The following NOP9 variants were observed in gnomAD, a reference collection of about 807,000 sequenced individuals.
The protein encoded by NOP9 is nucleolar protein 9.
Under a neutral mutation model 63.0 loss-of-function variants are expected in NOP9, and 50 were observed. The observed-to-expected ratio is 0.79, with a 90% CI of 0.63 to 1.00. The LOEUF is 1.00. NOP9 is among the 50% of genes least tolerant of loss of function. The pLI is 0.00. For synonymous variants in NOP9, 343 were observed against 332.8 expected (o/e 1.03, Z -0.33); for missense variants, 758 against 803.0 (o/e 0.94, Z 0.68).
the NOP9 span, chr14:24,293,125 A>G: frequency 3.4e-5 from 8 of 234,532 alleles, no homozygotes; most frequent in African/African-American, 1.4e-4. Flanking sequence ...GACAATAAGT[A>G]CAGACAAAAT....
chr14:24,285,242 G>C, the NOP9 span, among the ~76,000 whole-genome samples: 1 of 152,210 alleles, frequency 6.6e-6, no homozygotes, highest in Non-Finnish European at 1.5e-5. Flanking sequence ...GGCTGGGCCA[G>C]GCCGCTCAGG....
chr14:24,285,559 G>C, the NOP9 span, among the ~76,000 whole-genome samples: 5 of 152,328 alleles, frequency 3.3e-5, no homozygotes, highest in African/African-American at 1.2e-4. Flanking sequence ...GGCTGTCTCT[G>C]TGGCCACCCA....
intron 2 of NOP9, 27 bp downstream of exon 2, chr14:24,300,884 C>T (rs1449119772): frequency 6.4e-7 from 1 of 1,555,422 alleles, no homozygotes; most frequent in South Asian, 1.2e-5. Context: ...GAAAGTGGAC[C>T]TAGGGGGAAG....
the NOP9 span, among the ~76,000 whole-genome samples, chr14:24,271,973 TCTC>T: frequency 1.3e-5 from 2 of 152,144 alleles, no homozygotes; most frequent in Non-Finnish European, 2.9e-5. Context: ...CATTCTGGCT[TCTC>T]CTCCTGCACC....
Position 24,301,705 on chromosome 14 carries a change from T to C in NOP9, c.791T>C (p.Phe264Ser), listed in dbSNP as rs570256840. ...CGCCTTCAGGACCTGAGCTCCTCCT[T>C]TCTGAAGGACATTGCAGGTAAGGAG... ...LNRLQDLSSS[F>S]LKDIAVFITD... Residue 264 changes from phenylalanine to serine, a missense_variant, in exon 3 of 10, where the codon TTT becomes TCT. By Grantham distance (155) the Phe-to-Ser change is radical. Coordinates refer to ENST00000267425, the MANE Select transcript of NOP9 (RefSeq NM_174913.3). The C allele has an allele frequency of 6.2e-7, 1 of 1,614,170 alleles. No individual in the cohort carries two copies. The highest frequency in any genetic ancestry group is 8.5e-7 in the Non-Finnish European group (1 of 1,180,024).
rs987227619 is a variant in NOP9, at chr14:24,308,162, G to A, written c.*3067G>A. The A allele has an allele frequency of 1.4e-5, 6 of 430,288 alleles. No individual in the cohort carries two copies. The highest frequency in any genetic ancestry group is 1.2e-4 in the African/African-American group (6 of 50,190). The allele number at this position is 430,288 out of a possible 1,614,324, so 26.7% of individuals were successfully genotyped here. On this transcript the variant is annotated 3_prime_UTR_variant, in exon 10 of 10. Transcript: ENST00000267425. ...AGGGTAGATGGGAACCATGTAAAAG[G>A]ATGAAATGTGACTTCTGGTGTTTTT...
Position 24,300,120 on chromosome 14 carries a change from C to T in NOP9, c.166C>T (p.His56Tyr), listed in dbSNP as rs779701180. The change falls in exon 1 of 10, where the codon CAC (histidine) becomes TAC (tyrosine). Residue 56 changes from histidine to tyrosine, a missense_variant. By Grantham distance (83) the His-to-Tyr change is moderately conservative. Coordinates refer to ENST00000267425, the MANE Select transcript of NOP9 (RefSeq NM_174913.3). ...GGAGCCGGCTCCAGATTCGCACCCG[C>T]ACCTGAGCCCGGAAGCTCTGGGATA... Reference protein sequence around the residue: ...RSEPAPDSHPHLSPEALGYFR... With the variant: ...RSEPAPDSHPYLSPEALGYFR... 6.2e-7 allele frequency: 1 copy of T among 1,613,660 alleles called. No individual in the cohort carries two copies.
chr14:24,304,293 T>A lies in NOP9; in HGVS notation c.1647+16T>A. ...GAACCTAAAGGTTAGATTTCTGGCT[T>A]TTGCCTTGATTCCCCACCATCATCC... is the stretch of plus-strand genomic sequence containing the variant. On this transcript the variant is annotated intron_variant, in intron 8 of 9. Coordinates refer to ENST00000267425, the MANE Select transcript of NOP9 (RefSeq NM_174913.3). 6.3e-7 allele frequency: 1 copy of A among 1,596,830 alleles called. No individual in the cohort carries two copies. Among genetic ancestry groups the A allele is most frequent in the Non-Finnish European group, 8.6e-7 (1 of 1,165,384 alleles).
At chr14:24,298,828 C>T (rs573009254), upstream of NOP9, 230 of 1,142,198 alleles carry the variant, frequency 2.0e-4, 2 homozygotes, top group African/African-American at 3.0e-3. Flanking sequence ...TTAATTTCCA[C>T]TTTGAATAAA....
At chr14:24,302,139 G>T in intron 4 of NOP9, 33 bp downstream of exon 4, 1 of 1,605,996 alleles carries the variant, frequency 6.2e-7, no homozygotes, top group Non-Finnish European at 8.5e-7. Flanking sequence ...GACCCAAGTT[G>T]GCGGGGCTGT....
the NOP9 span, among the ~76,000 whole-genome samples, chr14:24,283,015 T>C: frequency 6.6e-6 from 1 of 152,182 alleles, no homozygotes; most frequent in African/African-American, 2.4e-5. Flanking sequence ...TGCAGAACTC[T>C]CAGCACATGA....
At position 24,300,053 on chromosome 14, in the gene NOP9, A is replaced by G; in HGVS notation, c.99A>G (p.Pro33=). Residue 33 remains proline, a synonymous_variant, in exon 1 of 10, where the codon CCA becomes CCG. Transcript: ENST00000267425. ...RGAKGSGRPL[P]GRKRQPWPPP... ...CCAAGGGGTCGGGGCGCCCCTTACCAGGCCGTAAGCGGCAACCCTGGCCGC... is the reference window on the plus strand; with the variant it reads ...CCAAGGGGTCGGGGCGCCCCTTACCGGGCCGTAAGCGGCAACCCTGGCCGC... 6.2e-7 allele frequency: 1 copy of G among 1,611,848 alleles called. No individual in the cohort carries two copies. Among genetic ancestry groups the G allele is most frequent in the Non-Finnish European group, 8.5e-7 (1 of 1,179,550 alleles).
chr14:24,286,741 C>T, the NOP9 span, among the ~76,000 whole-genome samples: 8 of 151,758 alleles, frequency 5.3e-5, no homozygotes, highest in African/African-American at 9.7e-5. Flanking sequence ...TACAGGTGCC[C>T]GCCACCATGC....
upstream of NOP9, chr14:24,298,867 G>T: frequency 7.2e-7 from 1 of 1,388,952 alleles, no homozygotes; most frequent in Non-Finnish European, 9.8e-7. Flanking sequence ...TAGTATTATA[G>T]TTTCAGGTAA....
the NOP9 span, among the ~76,000 whole-genome samples, chr14:24,274,906 CTTTTTTT>C: frequency 1.2e-5 from 1 of 83,672 alleles, no homozygotes; most frequent in Non-Finnish European, 2.2e-5. Flanking sequence ...CCATGTCCGG[CTTTTTTT>C]TTTTTTTTTT....
rs1236821003 is a variant in NOP9, at chr14:24,307,119, C to A, written c.*2024C>A. The A allele has an allele frequency of 7.6e-6, 3 of 395,718 alleles. No homozygotes were observed. The highest frequency in any genetic ancestry group is 1.4e-5 in the Non-Finnish European group (3 of 220,040). 24.5% of individuals were successfully genotyped at this position (395,718 alleles called of 1,614,324 possible). A position where few individuals can be genotyped will look rare whatever the true frequency, so the allele number is the denominator to read the frequency against. On this transcript the variant is annotated 3_prime_UTR_variant, in exon 10 of 10. Coordinates refer to ENST00000267425, the MANE Select transcript of NOP9 (RefSeq NM_174913.3). ...TGATTTGTCACACAAATCACCTTTC[C>A]ATACTAGCTTCTGAATTCTGTCCCT... is the stretch of plus-strand genomic sequence containing the variant.
chr14:24,306,387 C>T lies in NOP9; in HGVS notation c.*1292C>T. On this transcript the variant is annotated 3_prime_UTR_variant, in exon 10 of 10. Transcript: ENST00000267425. ...TAGGCCTCTTACCCTTGTAGGGCTC[C>T]AGCTCTGACCAGACTGCAACACCAT... 6 of 1,614,214 alleles carry T rather than the reference C, an allele frequency of 3.7e-6. No homozygotes were observed. The highest frequency in any genetic ancestry group is 5.1e-6 in the Non-Finnish European group (6 of 1,180,020).
rs763360051 is a variant in NOP9, at chr14:24,305,022, G to A, written c.1838G>A (p.Arg613Gln). The A allele has an allele frequency of 1.2e-5, 19 of 1,607,086 alleles. No homozygotes were observed. In the East Asian group the frequency reaches 1.8e-4, roughly 15 times the overall value. ...GCCTTGACTACCTTCCTAAAGCGGC[G>A]AGAGGCTTGGGAACAGCAGCAGGGT... ...NVALTTFLKR[R>Q]EAWEQQQGAV... The change falls in exon 10 of 10, where the codon CGA becomes CAA. Residue 613 changes from arginine to glutamine, a missense_variant. Physicochemically the swap from Arg to Gln is conservative, Grantham distance 43. Transcript: ENST00000267425.
the NOP9 span, chr14:24,292,135 A>G: frequency 6.2e-7 from 1 of 1,611,442 alleles, no homozygotes; most frequent in Non-Finnish European, 8.5e-7. Context: ...TTGAGGATGC[A>G]GAGGCCGACT....
Sources: allele counts gnomAD v4.1 joint callset (sites outside exome capture counted in the v4.1 genomes callset), GRCh38; gene constraint gnomAD v4.1.1; transcripts MANE v1.5; gene names NCBI Gene and HGNC (gene_info 2026-07-23, HGNC 2026-07-21).